The following MTCL1 variants were observed in gnomAD, a reference collection of about 807,000 sequenced individuals.
The protein encoded by MTCL1 is microtubule crosslinking factor 1.
In MTCL1, 79 loss-of-function variants were observed where a neutral mutation model predicts 141.4. The ratio of observed to expected loss-of-function variants is 0.56; its 90% CI spans 0.47 to 0.67. The LOEUF (loss-of-function observed/expected upper bound fraction) is 0.67, where lower values mean the gene tolerates loss of function less well. Among genes scored for constraint, MTCL1 ranks in the 30% least tolerant of loss-of-function variants. MTCL1 has a pLI of 0.00. For missense variants in MTCL1, 2,177 were observed against 2,113.9 expected (o/e 1.03, Z -0.59); for synonymous variants, 914 against 875.8 (o/e 1.04, Z -0.77).
rs146622956 is a variant in MTCL1 at position 8,775,325 on chromosome 18, C to A, written c.358-2508C>A. On this transcript the variant is annotated intron_variant, in intron 4 of 16. Coordinates refer to ENST00000359865, the Ensembl canonical transcript of MTCL1. ...GTGGCTCAATCCTGTAATCCCAGCA[C>A]TTTAGGAGGCTGAGGCAGGTGGATC... 8.9e-4 allele frequency among the ~76,000 whole-genome samples: 134 copies of A among 151,346 alleles called. 1 individual carries two copies. In the East Asian group the frequency reaches 0.025, roughly 28 times the overall value.
intron 1 of MTCL1, among the ~76,000 whole-genome samples, chr18:8,708,843 C>T (rs2096071657): frequency 6.6e-6 from 1 of 152,174 alleles, no homozygotes; most frequent in Non-Finnish European, 1.5e-5. Flanking sequence ...TCACTTGCAT[C>T]CGTTTACTCT....
chr18:8,811,874 G>T (rs1212962704), intron 11 of MTCL1, among the ~76,000 whole-genome samples: 3 of 152,202 alleles, frequency 2.0e-5, no homozygotes, highest in African/African-American at 7.2e-5. Context: ...TGCTTATGAG[G>T]ATAAAAACGA....
chr18:8,737,920 T>C (rs1341185414), intron 4 of MTCL1, among the ~76,000 whole-genome samples: 2 of 152,136 alleles, frequency 1.3e-5, no homozygotes, highest in Non-Finnish European at 2.9e-5. Context: ...AAAAGTGAGT[T>C]TGGTTTAGGC....
chr18:8,721,688 G>C (rs567781844), intron 4 of MTCL1, among the ~76,000 whole-genome samples: 2 of 152,252 alleles, frequency 1.3e-5, no homozygotes, highest in Admixed American at 6.5e-5. Context: ...GGCCAGCCCT[G>C]TTCACCTTCC....
At chr18:8,806,983 C>T (rs781743805) in exon 11 of MTCL1, 31 of 1,613,642 alleles carry the variant, frequency 1.9e-5, no homozygotes, top group Admixed American at 5.0e-5. Flanking sequence ...TGCCCGACTA[C>T]GGCTGCAGCA....
intron 4 of MTCL1, among the ~76,000 whole-genome samples, chr18:8,755,791 G>C (rs2096394652): frequency 2.6e-5 from 4 of 152,236 alleles, no homozygotes; most frequent in South Asian, 2.1e-4. Flanking sequence ...AGTAAGTTAT[G>C]AAGCATGACA....
chr18:8,757,428 C>T (rs1208932773), intron 4 of MTCL1, among the ~76,000 whole-genome samples: 7 of 152,182 alleles, frequency 4.6e-5, no homozygotes, highest in Non-Finnish European at 7.3e-5. Context: ...GACTTTGTAA[C>T]AGGTGATTCA....
intron 4 of MTCL1, among the ~76,000 whole-genome samples, chr18:8,768,350 G>A (rs1379245856): frequency 6.6e-6 from 1 of 152,144 alleles, no homozygotes; most frequent in African/African-American, 2.4e-5. Flanking sequence ...GTAAACTCGT[G>A]GACAGAAATG....
intron 11 of MTCL1, chr18:8,809,442 C>T (rs1385561114): frequency 5.9e-6 from 9 of 1,534,670 alleles, no homozygotes; most frequent in South Asian, 2.4e-5. Context: ...CTCCATTTCC[C>T]GTTAGAATTG....
At chr18:8,781,703 C>T (rs538979410) in intron 5 of MTCL1, among the ~76,000 whole-genome samples, 10 of 152,242 alleles carry the variant, frequency 6.6e-5, no homozygotes, top group Non-Finnish European at 8.8e-5. Flanking sequence ...CTCACAACGA[C>T]GTTGTGGTTA....
chr18:8,757,056 C>G (rs982230394), intron 4 of MTCL1, among the ~76,000 whole-genome samples: 3 of 152,088 alleles, frequency 2.0e-5, no homozygotes, highest in African/African-American at 7.2e-5. Flanking sequence ...GTAAGAGGAC[C>G]CCAGACACAA....
rs560667351 is a variant in MTCL1 at position 8,776,689 on chromosome 18, A to G, written c.358-1144A>G. On this transcript the variant is annotated intron_variant, in intron 4 of 16. Transcript: ENST00000359865. ...AAGGGCCGCCCTTCTCTTCCTTCAC[A>G]CCACTTTTTATCTGGCCACTCAGGA... 6.0e-5 allele frequency among the ~76,000 whole-genome samples: 9 copies of G among 151,250 alleles called. No homozygotes were observed. The South Asian group carries it at 1.9e-3, about 32-fold the overall frequency.
intron 4 of MTCL1, among the ~76,000 whole-genome samples, chr18:8,758,088 G>A (rs562186193): frequency 1.3e-5 from 2 of 149,640 alleles, no homozygotes; most frequent in Non-Finnish European, 3.0e-5. Flanking sequence ...GCAATGGCGC[G>A]ATCTCGGCTC....
chr18:8,819,435 A>T (rs2076769367), intron 13 of MTCL1, among the ~76,000 whole-genome samples, 176 bp downstream of exon 12: 1 of 152,208 alleles, frequency 6.6e-6, no homozygotes, highest in African/African-American at 2.4e-5. Flanking sequence ...GCTTCACCCT[A>T]AATTAGCATG....
chr18:8,823,713 G>A (rs778910360), intron 14 of MTCL1, among the ~76,000 whole-genome samples: 6 of 152,244 alleles, frequency 3.9e-5, no homozygotes, highest in Admixed American at 2.6e-4. Flanking sequence ...ACCCCGTGGT[G>A]CTGACCACAT....
exon 5 of MTCL1, chr18:8,777,841 A>G (rs1420541580): frequency 3.1e-6 from 5 of 1,613,764 alleles, no homozygotes; most frequent in Admixed American, 3.3e-5. Flanking sequence ...AGAGTTCCCT[A>G]AAAAGAAGAA....
At chr18:8,769,213 C>T (rs2096474143) in intron 4 of MTCL1, among the ~76,000 whole-genome samples, 2 of 152,178 alleles carry the variant, frequency 1.3e-5, no homozygotes, top group African/African-American at 4.8e-5. Context: ...AGGGGTTTCT[C>T]AAATGTAGGA....
chr18:8,808,304 A>T (rs531441452), intron 11 of MTCL1, among the ~76,000 whole-genome samples: 163 of 144,520 alleles, frequency 1.1e-3, no homozygotes, highest in African/African-American at 2.1e-3. Flanking sequence ...TATTAAAAAA[A>T]ATATGTTTAT....
intron 10 of MTCL1, among the ~76,000 whole-genome samples, chr18:8,800,984 T>A (rs973815937): frequency 6.6e-6 from 1 of 152,090 alleles, no homozygotes; most frequent in Admixed American, 6.5e-5. Context: ...TGTTTCATAT[T>A]TAAGTCTTCA....
Sources: gnomAD v4.1 joint callset for allele counts (sites outside exome capture counted in the v4.1 genomes callset) on GRCh38, gnomAD v4.1.1 for gene constraint, MANE v1.5 for transcripts, NCBI Gene and HGNC (gene_info 2026-07-23, HGNC 2026-07-21) for gene names.